The following BABAM2 variants were observed in gnomAD, a reference collection of about 807,000 sequenced individuals.
BABAM2 encodes BRISC and BRCA1 A complex member 2, also known as BRISC and BRCA1-A complex member 2.
Under a neutral mutation model 54.7 loss-of-function variants are expected in BABAM2, and 31 were observed. The observed-to-expected ratio is 0.57, with a 90% CI of 0.43 to 0.77. The LOEUF is 0.77. Among genes scored for constraint, BABAM2 ranks in the 30% least tolerant of loss-of-function variants. The pLI is 0.00. For synonymous variants in BABAM2, 167 were observed against 162.9 expected, an observed-to-expected ratio of 1.03 and a Z score of -0.19; for missense variants, 364 against 455.8, an observed-to-expected ratio of 0.80 and a Z score of 1.83.
chr2:28,104,374 C>T (rs549660923), intron 6 of BABAM2, among the ~76,000 whole-genome samples: 52 of 152,080 alleles, frequency 3.4e-4, no homozygotes, highest in Non-Finnish European at 5.9e-4. Flanking sequence ...AAAAAGTGGG[C>T]GAAGGATATG....
intron 7 of BABAM2, among the ~76,000 whole-genome samples, chr2:28,236,033 C>T (rs2148054690): frequency 6.6e-6 from 1 of 152,268 alleles, no homozygotes; most frequent in East Asian, 1.9e-4. Flanking sequence ...AACCTTGTAA[C>T]TGCAGGGTCT....
At chr2:28,310,068 G>GT (rs2148277757) in intron 11 of BABAM2, 5 of 1,613,998 alleles carry the variant, frequency 3.1e-6, no homozygotes, top group Non-Finnish European at 4.2e-6. Context: ...GATTTGGTTT[G>GT]TTTTTCCTTA....
chr2:28,046,522 T>G (rs1677590860), intron 6 of BABAM2, among the ~76,000 whole-genome samples: 2 of 152,038 alleles, frequency 1.3e-5, no homozygotes, highest in African/African-American at 2.4e-5. Context: ...CCTCCCTCTG[T>G]GCTGTATTTG....
At chr2:28,040,215 TATC>T (rs1286408342) in intron 5 of BABAM2, among the ~76,000 whole-genome samples, 1 of 151,842 alleles carries the variant, frequency 6.6e-6, no homozygotes. Context: ...GTTTTAAAAT[TATC>T]ATGTACTCAG....
chr2:28,082,602 G>C (rs1665275387), intron 6 of BABAM2, among the ~76,000 whole-genome samples: 1 of 152,174 alleles, frequency 6.6e-6, no homozygotes, highest in African/African-American at 2.4e-5. Flanking sequence ...TATAGTGCTT[G>C]GCATGTGAAT....
At chr2:27,906,782 C>G (rs774317355) in intron 2 of BABAM2, among the ~76,000 whole-genome samples, 18 of 151,794 alleles carry the variant, frequency 1.2e-4, no homozygotes, top group Non-Finnish European at 1.9e-4. Flanking sequence ...CTAGTCTATT[C>G]CTGGCTCCAC....
At chr2:28,095,782 T>C (rs534147679) in intron 6 of BABAM2, among the ~76,000 whole-genome samples, 2 of 152,304 alleles carry the variant, frequency 1.3e-5, no homozygotes, top group African/African-American at 4.8e-5. Flanking sequence ...TTCCGACAGC[T>C]GTCTCTGAGG....
intron 7 of BABAM2, among the ~76,000 whole-genome samples, chr2:28,130,146 A>G (rs1669898918): frequency 6.6e-6 from 1 of 152,198 alleles, no homozygotes. Context: ...ACAGACTCTG[A>G]TTGAAATGTA....
intron 10 of BABAM2, among the ~76,000 whole-genome samples, chr2:28,288,739 T>C (rs977404437): frequency 6.6e-6 from 1 of 152,218 alleles, no homozygotes; most frequent in African/African-American, 2.4e-5. Context: ...TGATTCAACT[T>C]GTAACCATCT....
intron 2 of BABAM2, among the ~76,000 whole-genome samples, chr2:27,912,799 A>C (rs916589491): frequency 6.6e-6 from 1 of 152,218 alleles, no homozygotes; most frequent in Non-Finnish European, 1.5e-5. Flanking sequence ...TTGGAGCTAC[A>C]TCTGGATGGA....
At chr2:28,249,303 G>A (rs1430400495) in intron 10 of BABAM2, among the ~76,000 whole-genome samples, 1 of 152,022 alleles carries the variant, frequency 6.6e-6, no homozygotes, top group Non-Finnish European at 1.5e-5. Flanking sequence ...TACCCAGGCT[G>A]ATCTTGAACT....
At chr2:28,166,387 G>A (rs1673675834) in intron 7 of BABAM2, among the ~76,000 whole-genome samples, 1 of 152,188 alleles carries the variant, frequency 6.6e-6, no homozygotes, top group South Asian at 2.1e-4. Context: ...AACTACTCTA[G>A]CGAGTTATCC....
intron 6 of BABAM2, among the ~76,000 whole-genome samples, chr2:28,063,712 T>C (rs1244931309): frequency 1.3e-5 from 2 of 152,234 alleles, no homozygotes; most frequent in Admixed American, 1.3e-4. Context: ...CTATTTTGGC[T>C]CCAGCTCCTA....
chr2:28,333,239 C>T (rs550441543), intron 11 of BABAM2, among the ~76,000 whole-genome samples: 2 of 152,278 alleles, frequency 1.3e-5, no homozygotes, highest in South Asian at 2.1e-4. Context: ...AAGAAACTAA[C>T]GCTGCAGTCA....
chr2:28,102,503 A>G, intron 6 of BABAM2, among the ~76,000 whole-genome samples: 1 of 152,228 alleles, frequency 6.6e-6, no homozygotes, highest in Non-Finnish European at 1.5e-5. Flanking sequence ...GGGCTAAGCT[A>G]CAACTTGGTC....
chr2:28,171,045 G>A (rs1674264011), intron 7 of BABAM2, among the ~76,000 whole-genome samples: 1 of 152,024 alleles, frequency 6.6e-6, no homozygotes, highest in Non-Finnish European at 1.5e-5. Context: ...AAAGGTATGT[G>A]AACATATCCT....
At chr2:28,025,099 A>T in intron 4 of BABAM2, 127 bp from the exon 5 acceptor site, 1 of 793,072 alleles carries the variant, frequency 1.3e-6, no homozygotes, top group Non-Finnish European at 1.9e-6. Flanking sequence ...TATATGGCTA[A>T]GGAGGAGTAG....
chr2:28,126,656 C>T (rs1458534151), intron 6 of BABAM2, among the ~76,000 whole-genome samples: 1 of 116,394 alleles, frequency 8.6e-6, no homozygotes, highest in African/African-American at 3.2e-5. Flanking sequence ...TGGGTATATA[C>T]CCAGTAATGG....
intron 3 of BABAM2, among the ~76,000 whole-genome samples, chr2:27,968,817 A>G (rs1465188232): frequency 6.6e-6 from 1 of 152,218 alleles, no homozygotes. Flanking sequence ...TTTTGATTTT[A>G]TAGGCTCATA....
Sources: gnomAD v4.1 joint callset for allele counts (sites outside exome capture counted in the v4.1 genomes callset) on GRCh38, gnomAD v4.1.1 for gene constraint, MANE v1.5 for transcripts, NCBI Gene and HGNC (gene_info 2026-07-23, HGNC 2026-07-21) for gene names.